Variants in FRMD3 observed in about 807,000 individuals in gnomAD.
The protein encoded by FRMD3 is FERM domain-containing protein 3.
FRMD3 carries 33 observed loss-of-function variants against 70.2 expected under a neutral mutation model. The observed-to-expected ratio is 0.47, with a 90% CI of 0.36 to 0.63. The LOEUF (loss-of-function observed/expected upper bound fraction) is 0.63, where lower values mean the gene tolerates loss of function less well. Ranked by LOEUF, FRMD3 falls within the 20% of genes least tolerant of loss-of-function variation. The probability of loss-of-function intolerance (pLI) is 0.00; values close to 1 mark genes in which losing one functional copy is unlikely to be tolerated. For synonymous variants in FRMD3, 279 were observed against 255.9 expected (o/e 1.09, Z -0.86); for missense variants, 632 against 711.4 (o/e 0.89, Z 1.27).
chr9:83,543,763 G>C, the FRMD3 span, among the ~76,000 whole-genome samples: 7 of 152,166 alleles, frequency 4.6e-5, no homozygotes, highest in African/African-American at 1.7e-4. Context: ...CTATTCCTGA[G>C]AGCTCCCCAC....
At chr9:83,367,049 A>G (rs1199888885) in intron 3 of FRMD3, among the ~76,000 whole-genome samples, 1 of 152,176 alleles carries the variant, frequency 6.6e-6, no homozygotes, top group African/African-American at 2.4e-5. Flanking sequence ...CAAAAAAAAA[A>G]TTATAAGTGA....
At position 83,474,231 on chromosome 9, in the gene FRMD3, G is replaced by A. The variant is rs368616356; in HGVS notation, c.147+63854C>T. ...GACAAAGCCACTAGAAATCATCATGGCCTTCACTTCCTTTGTGGAAGAATT... is the reference window on the plus strand; with the variant it reads ...GACAAAGCCACTAGAAATCATCATGACCTTCACTTCCTTTGTGGAAGAATT... On this transcript the variant is annotated intron_variant, in intron 1 of 13. Coordinates refer to ENST00000304195, the MANE Select transcript of FRMD3 (RefSeq NM_174938.6). 2.8e-4 allele frequency among the ~76,000 whole-genome samples: 42 copies of A among 152,254 alleles called. 4 individuals carry two copies. The highest frequency in any genetic ancestry group is 9.9e-4 in the African/African-American group (41 of 41,552).
intron 1 of FRMD3, among the ~76,000 whole-genome samples, chr9:83,403,216 G>T (rs1471799863): frequency 6.6e-6 from 1 of 151,824 alleles, no homozygotes; most frequent in Non-Finnish European, 1.5e-5. Flanking sequence ...ACTCTCAATT[G>T]TCAAAAACTC....
intron 1 of FRMD3, among the ~76,000 whole-genome samples, chr9:83,489,013 T>TGTGC (rs1828753484): frequency 7.0e-6 from 1 of 143,174 alleles, no homozygotes; most frequent in African/African-American, 2.8e-5. Flanking sequence ...TGTGTGTGTG[T>TGTGC]GTGCTTGTGT....
chr9:83,479,187 C>T (rs138039201), intron 1 of FRMD3, among the ~76,000 whole-genome samples: 267 of 152,036 alleles, frequency 1.8e-3, no homozygotes, highest in South Asian at 3.7e-3. Context: ...CAGTGGCTCA[C>T]ACCTGTAATC....
intron 4 of FRMD3, among the ~76,000 whole-genome samples, chr9:83,343,832 T>A (rs1290493146): frequency 1.3e-5 from 2 of 151,434 alleles, no homozygotes; most frequent in Non-Finnish European, 2.9e-5. Context: ...CTGTGTAGAG[T>A]CTCCCCACTC....
At chr9:83,470,669 T>C (rs1828247480) in intron 1 of FRMD3, among the ~76,000 whole-genome samples, 2 of 152,324 alleles carry the variant, frequency 1.3e-5, no homozygotes, top group South Asian at 2.1e-4. Flanking sequence ...AGGGTCCCGA[T>C]CAGAAGGTCT....
At chr9:83,382,700 C>T (rs1825394088) in intron 2 of FRMD3, among the ~76,000 whole-genome samples, 1 of 152,104 alleles carries the variant, frequency 6.6e-6, no homozygotes, top group Non-Finnish European at 1.5e-5. Context: ...TATACCTATC[C>T]TTGCTCCCAG....
chr9:83,270,308 AAAG>A (rs909189246), intron 13 of FRMD3, among the ~76,000 whole-genome samples: 18 of 152,244 alleles, frequency 1.2e-4, no homozygotes, highest in African/African-American at 3.4e-4. Flanking sequence ...GCCTGAAACC[AAAG>A]AAGAAGAATG....
chr9:83,270,094 C>T (rs1260228563), intron 13 of FRMD3, among the ~76,000 whole-genome samples: 1 of 152,342 alleles, frequency 6.6e-6, no homozygotes, highest in South Asian at 2.1e-4. Context: ...TGTTCTGGTT[C>T]AGGCCACTGT....
At chr9:83,249,553 G>A (rs1435440943) in intron 13 of FRMD3, among the ~76,000 whole-genome samples, 2 of 152,152 alleles carry the variant, frequency 1.3e-5, no homozygotes, top group African/African-American at 2.4e-5. Context: ...TCTTCAAGGT[G>A]TACAGGCATA....
At chr9:83,565,541 A>G in the FRMD3 span, among the ~76,000 whole-genome samples, 1 of 152,166 alleles carries the variant, frequency 6.6e-6, no homozygotes, top group East Asian at 1.9e-4. Context: ...ACTCAGATGG[A>G]CCCAGTCACC....
intron 1 of FRMD3, among the ~76,000 whole-genome samples, chr9:83,409,828 G>A (rs947282569): frequency 2.6e-5 from 4 of 152,152 alleles, no homozygotes; most frequent in Non-Finnish European, 4.4e-5. Flanking sequence ...CCAAGTCACT[G>A]GTCCTCAAAC....
At chr9:83,289,788 T>A (rs1490074273) in intron 13 of FRMD3, among the ~76,000 whole-genome samples, 1 of 152,246 alleles carries the variant, frequency 6.6e-6, no homozygotes, top group African/African-American at 2.4e-5. Context: ...TTGTTTTCAA[T>A]TTAATTAATT....
the FRMD3 span, among the ~76,000 whole-genome samples, chr9:83,578,249 T>C: frequency 1.3e-5 from 2 of 151,904 alleles, no homozygotes; most frequent in African/African-American, 4.8e-5. Flanking sequence ...CTACCAAACA[T>C]TTAAAGAAGA....
intron 1 of FRMD3, among the ~76,000 whole-genome samples, chr9:83,468,499 G>C (rs1458090319): frequency 6.6e-6 from 1 of 152,158 alleles, no homozygotes; most frequent in Non-Finnish European, 1.5e-5. Flanking sequence ...GGTCAATTGA[G>C]TCGGACAGAA....
intron 1 of FRMD3, among the ~76,000 whole-genome samples, chr9:83,418,854 A>G (rs2131353929): frequency 6.6e-6 from 1 of 152,372 alleles, no homozygotes; most frequent in South Asian, 2.1e-4. Context: ...ACAGTTCACA[A>G]TTGCGAAGCC....
At chr9:83,534,761 G>C (rs550103311) in intron 1 of FRMD3, among the ~76,000 whole-genome samples, 10 of 152,284 alleles carry the variant, frequency 6.6e-5, no homozygotes, top group East Asian at 5.8e-4. Context: ...GTTTCTGGGG[G>C]GTGGAAATGG....
intron 1 of FRMD3, among the ~76,000 whole-genome samples, chr9:83,400,054 A>ACAGGAGAGGAGAAGAGAG: frequency 6.6e-6 from 1 of 152,118 alleles, no homozygotes; most frequent in African/African-American, 2.4e-5. Flanking sequence ...AAAAGAAAAG[A>ACAGGAGAGGAGAAGAGAG]AAAAGGTATG....
Sources: gnomAD v4.1 joint callset for allele counts (sites outside exome capture counted in the v4.1 genomes callset) on GRCh38, gnomAD v4.1.1 for gene constraint, MANE v1.5 for transcripts, NCBI Gene and HGNC (gene_info 2026-07-23, HGNC 2026-07-21) for gene names.